GRIP1: variants seen among roughly 807,000 people sequenced by gnomAD.
GRIP1 encodes the protein glutamate receptor-interacting protein 1.
GRIP1 carries 45 observed loss-of-function variants against 129.9 expected under a neutral mutation model. The ratio of observed to expected loss-of-function variants is 0.35; its 90% CI spans 0.27 to 0.44. The LOEUF (loss-of-function observed/expected upper bound fraction) is 0.44, where lower values mean the gene tolerates loss of function less well. Ranked by LOEUF, GRIP1 falls within the 20% of genes least tolerant of loss-of-function variation. GRIP1 has a pLI of 1.00. For synonymous variants in GRIP1, 530 were observed against 520.8 expected, an observed-to-expected ratio of 1.02 and a Z score of -0.24; for missense variants, 1,196 against 1,396.8, an observed-to-expected ratio of 0.86 and a Z score of 2.29.
Position 66,427,842 on chromosome 12 carries a change from G to A in GRIP1, c.1768+4706C>T, listed in dbSNP as rs117493626. ...CAAAGCCCTGCTTCTTTAACCAACT[G>A]CAAATCAAAAAAAATTCTCTGAATC... On this transcript the variant is annotated intron_variant, in intron 14 of 24. Coordinates refer to ENST00000359742, the MANE Select transcript of GRIP1 (RefSeq NM_001366722.1). Among the ~76,000 whole-genome samples the A allele has an allele frequency of 6.8e-4, 104 of 152,226 alleles. 2 individuals are homozygous for A. The East Asian group carries it at 0.017, about 25-fold the overall frequency.
intron 11 of GRIP1, among the ~76,000 whole-genome samples, chr12:66,453,413 A>G (rs2058864860): frequency 6.6e-6 from 1 of 152,336 alleles, no homozygotes; most frequent in South Asian, 2.1e-4. Context: ...TGTTAAAAAA[A>G]TTCATACACA....
At chr12:66,437,427 T>C (rs559917799) in intron 13 of GRIP1, among the ~76,000 whole-genome samples, 1 of 152,310 alleles carries the variant, frequency 6.6e-6, no homozygotes, top group Admixed American at 6.5e-5. Flanking sequence ...AACAACAAGA[T>C]GGGAACATAG....
At chr12:66,804,948 G>A (rs1340804860), upstream of GRIP1, among the ~76,000 whole-genome samples, 2 of 152,080 alleles carry the variant, frequency 1.3e-5, no homozygotes, top group African/African-American at 2.4e-5. Context: ...CAAATGACAC[G>A]TTTACCCACT....
In GRIP1 at chr12:66,514,538, AAAGG is replaced by A. The variant is rs757300152; in HGVS notation, c.724+1077_724+1080del. ...CATATAACAAAAAGAAGAGAGAAAG[AAAGG>A]AAGGAAGGAAGGATGGAGAGAAGAA... is the stretch of plus-strand genomic sequence containing the variant. On this transcript the variant is annotated intron_variant, in intron 7 of 24. Transcript: ENST00000359742. Among the ~76,000 whole-genome samples, 44 of 152,196 alleles carry A rather than the reference AAAGG, an allele frequency of 2.9e-4. 1 individual carries two copies. The Middle Eastern group carries it at 0.01, about 36-fold the overall frequency.
rs2041601120 is a variant in GRIP1 at position 66,942,405 on chromosome 12, G to A, written c.58+126645C>T. ...TGCCAAGCATAACATTGCTACTTCT[G>A]TTCTTCTTCCCACTTTCTTTGATCC... On this transcript the variant is annotated intron_variant, in intron 1 of 1. Transcript: ENST00000643019. Among the ~76,000 whole-genome samples the A allele has an allele frequency of 4.0e-5, 6 of 151,822 alleles. No individual in the cohort carries two copies. In the South Asian group the frequency reaches 1.2e-3, roughly 32 times the overall value.
Position 66,539,063 on chromosome 12 carries a change from G to T in GRIP1, c.418+15C>A. The T allele has an allele frequency of 1.2e-6, 2 of 1,610,502 alleles. No individual in the cohort carries two copies. The highest frequency in any genetic ancestry group is 1.7e-6 in the Non-Finnish European group (2 of 1,176,772). On this transcript the variant is annotated intron_variant, in intron 4 of 24. Transcript: ENST00000359742. Reference sequence around the variant, plus strand: ...GAATGTATCCCCTATGGATAAGGGGGGCTACTGTACTTACAGACCGGTGGA... The same window carrying T: ...GAATGTATCCCCTATGGATAAGGGGTGCTACTGTACTTACAGACCGGTGGA...
chr12:66,351,816 G>A (rs2054239558), intron 24 of GRIP1, among the ~76,000 whole-genome samples: 1 of 152,150 alleles, frequency 6.6e-6, no homozygotes, highest in Non-Finnish European at 1.5e-5. Flanking sequence ...TGGAATCACT[G>A]GGGGAGGTGT....
chr12:66,723,841 A>G (rs2036171751), intron 1 of GRIP1, among the ~76,000 whole-genome samples: 1 of 152,212 alleles, frequency 6.6e-6, no homozygotes, highest in Admixed American at 6.5e-5. Flanking sequence ...TTTGGGGATC[A>G]TTTTGTGAAC....
chr12:66,822,624 G>A (rs1167087762), intron 1 of GRIP1, among the ~76,000 whole-genome samples: 1 of 152,114 alleles, frequency 6.6e-6, no homozygotes, highest in African/African-American at 2.4e-5. Context: ...ACAATGGACT[G>A]GATAAAGAAA....
At chr12:66,778,418 C>T (rs1263899321) in intron 1 of GRIP1, among the ~76,000 whole-genome samples, 1 of 152,132 alleles carries the variant, frequency 6.6e-6, no homozygotes, top group Non-Finnish European at 1.5e-5. Context: ...ATATGATCCC[C>T]TACAATATTA....
chr12:66,374,478 G>A (rs774627553), intron 22 of GRIP1, among the ~76,000 whole-genome samples: 2 of 152,074 alleles, frequency 1.3e-5, no homozygotes, highest in Admixed American at 6.6e-5. Flanking sequence ...CTGAGGCACC[G>A]CACCTGCCCC....
chr12:66,984,593 T>C (rs2042284369), intron 1 of GRIP1, among the ~76,000 whole-genome samples: 1 of 152,130 alleles, frequency 6.6e-6, no homozygotes, highest in Non-Finnish European at 1.5e-5. Context: ...ATTTTATAGA[T>C]GAAAAAACTA....
At chr12:66,427,884 GC>G (rs2058034426) in intron 14 of GRIP1, among the ~76,000 whole-genome samples, 1 of 152,092 alleles carries the variant, frequency 6.6e-6, no homozygotes, top group South Asian at 2.1e-4. Flanking sequence ...TGACCTGTAA[GC>G]CCCCACTTTA....
At chr12:66,846,630 G>C (rs992149814) in intron 1 of GRIP1, among the ~76,000 whole-genome samples, 7 of 152,202 alleles carry the variant, frequency 4.6e-5, no homozygotes, top group African/African-American at 1.7e-4. Context: ...TGTAGTGATA[G>C]TATCACAGGT....
rs562023805 is a variant in GRIP1, at chr12:66,998,109, A to C, written c.58+70941T>G. On this transcript the variant is annotated intron_variant, in intron 1 of 1. Coordinates refer to the GRIP1 transcript ENST00000643019. ...TGTGATGTCCAAAACAGTAGCTGCT[A>C]TCCATATGTGGCTATTTAAGCAATG... Among the ~76,000 whole-genome samples the C allele has an allele frequency of 7.9e-5, 12 of 152,298 alleles. No individual in the cohort carries two copies. The East Asian group carries it at 2.3e-3, about 29-fold the overall frequency.
intron 1 of GRIP1, among the ~76,000 whole-genome samples, chr12:66,740,221 T>C (rs568776129): frequency 7.2e-5 from 11 of 152,130 alleles, no homozygotes; most frequent in Non-Finnish European, 1.6e-4. Context: ...ATCACCGATT[T>C]TTCATTCTGT....
chr12:66,833,233 G>A (rs550721070), intron 1 of GRIP1, among the ~76,000 whole-genome samples: 1 of 152,312 alleles, frequency 6.6e-6, no homozygotes, highest in African/African-American at 2.4e-5. Context: ...CGGTTCTAAA[G>A]TAGGGTGTGT....
At chr12:66,760,147 C>T (rs974905614) in intron 1 of GRIP1, among the ~76,000 whole-genome samples, 2 of 152,160 alleles carry the variant, frequency 1.3e-5, no homozygotes, top group Non-Finnish European at 2.9e-5. Context: ...AGCCACCTTG[C>T]CCAGCACACT....
At chr12:66,667,173 C>T (rs1012072165) in intron 1 of GRIP1, among the ~76,000 whole-genome samples, 1 of 152,052 alleles carries the variant, frequency 6.6e-6, no homozygotes, top group Non-Finnish European at 1.5e-5. Flanking sequence ...TGATGTTGTA[C>T]CTATTCAATT....
Sources: gnomAD v4.1 joint callset for allele counts (sites outside exome capture counted in the v4.1 genomes callset) on GRCh38, gnomAD v4.1.1 for gene constraint, MANE v1.5 for transcripts, NCBI Gene and HGNC (gene_info 2026-07-23, HGNC 2026-07-21) for gene names.